The following TFB2M variants were observed in gnomAD, a reference collection of about 807,000 sequenced individuals.
The protein encoded by TFB2M is dimethyladenosine transferase 2, mitochondrial.
In TFB2M, 44 loss-of-function variants were observed where a neutral mutation model predicts 41.3. The observed-to-expected ratio is 1.07, with a 90% CI of 0.84 to 1.37. The LOEUF is 1.37. Among genes scored for constraint, TFB2M ranks in the 40% most tolerant of loss-of-function variants. The probability of loss-of-function intolerance (pLI) is 0.00; values close to 1 mark genes in which losing one functional copy is unlikely to be tolerated. For missense variants in TFB2M, 496 were observed against 490.2 expected, an observed-to-expected ratio of 1.01 and a Z score of -0.11; for synonymous variants, 188 against 176.8, an observed-to-expected ratio of 1.06 and a Z score of -0.50.
chr1:246,564,360 T>C lies in TFB2M; in HGVS notation c.388A>G (p.Ile130Val), dbSNP rs1259096502. 6.2e-7 allele frequency: 1 copy of C among 1,614,008 alleles called. No individual in the cohort carries two copies. Among genetic ancestry groups the C allele is most frequent in the Non-Finnish European group, 8.5e-7 (1 of 1,179,954 alleles). ...VVALESDKTF[I>V]PHLESLGKNL... ...TAAAAATATACCTCCAAATGTGGAA[T>C]AAAAGTTTTGTCACTTTCGAGCGCA... The change falls in exon 2 of 8, where the codon ATT (isoleucine) becomes GTT (valine). Residue 130 changes from isoleucine (I) to valine (V), a missense_variant. Physicochemically the swap from Ile to Val is conservative, Grantham distance 29 (BLOSUM62 3). Transcript: ENST00000366514.
At chr1:246,542,166 T>TG (rs1173601211) in intron 7 of TFB2M, among the ~76,000 whole-genome samples, 3 of 151,968 alleles carry the variant, frequency 2.0e-5, no homozygotes, top group Non-Finnish European at 4.4e-5. Flanking sequence ...TATAATCTTA[T>TG]GGGACCACTA....
intron 6 of TFB2M, among the ~76,000 whole-genome samples, chr1:246,545,045 TC>T (rs923933626): frequency 1.5e-5 from 2 of 137,784 alleles, no homozygotes; most frequent in Non-Finnish European, 3.2e-5. Flanking sequence ...GACCTCGTGA[TC>T]CGCCCGCCTC....
At chr1:246,548,009 C>T (rs3129572) in intron 6 of TFB2M, among the ~76,000 whole-genome samples, 35,181 of 149,328 alleles carry the variant, frequency 0.24, 4,522 homozygotes, top group Middle Eastern at 0.42. Context: ...TGCAGTGGCA[C>T]GATCTTGGCT....
chr1:246,552,223 G>C (rs1659204482), intron 4 of TFB2M, among the ~76,000 whole-genome samples: 1 of 151,968 alleles, frequency 6.6e-6, no homozygotes, highest in African/African-American at 2.4e-5. Flanking sequence ...TTCAGTGTGA[G>C]ATGACCGTGC....
intron 6 of TFB2M, among the ~76,000 whole-genome samples, chr1:246,544,995 T>C (rs12076904): frequency 0.74 from 111,819 of 151,272 alleles, 43,285 homozygotes; most frequent in East Asian, 0.86. Flanking sequence ...TTAGTAGAGA[T>C]GGGGTTTCAC....
In TFB2M at chr1:246,556,570, T is replaced by C. The variant is rs906798498; in HGVS notation, c.705+3A>G. 2.0e-6 allele frequency: 3 copies of C among 1,486,168 alleles called. No homozygotes were observed. Among genetic ancestry groups the C allele is most frequent in the South Asian group, 2.7e-5 (2 of 73,688 alleles). 92.1% of individuals were successfully genotyped at this position (1,486,168 alleles called of 1,614,324 possible). A position where few individuals can be genotyped will look rare whatever the true frequency, so the allele number is the denominator to read the frequency against. On this transcript the variant is annotated splice_donor_region_variant and intron_variant, in intron 4 of 7. Transcript: ENST00000366514. ...AAAAAATAGGTATTTGTTAATAACATACCTGGAATTCTTTTTCACCAATAA... is the reference window on the plus strand; with the variant it reads ...AAAAAATAGGTATTTGTTAATAACACACCTGGAATTCTTTTTCACCAATAA...
At position 246,540,963 on chromosome 1, in the gene TFB2M, C is replaced by G. The variant is rs978339303; in HGVS notation, c.*68G>C. On this transcript the variant is annotated 3_prime_UTR_variant, in exon 8 of 8. Transcript: ENST00000366514. ...CTTCTGCTGAAAGGATGTGAGTTTT[C>G]AAATTTGGTTTTCATGTCATAGTTT... The G allele has an allele frequency of 2.5e-5, 38 of 1,498,146 alleles. No homozygotes were observed. The highest frequency in any genetic ancestry group is 5.6e-5 in the African/African-American group (4 of 71,330). 92.8% of individuals were successfully genotyped at this position (1,498,146 alleles called of 1,614,324 possible). A position where few individuals can be genotyped will look rare whatever the true frequency, so the allele number is the denominator to read the frequency against.
chr1:246,550,219 A>C (rs1238577480), intron 5 of TFB2M, among the ~76,000 whole-genome samples: 1 of 152,248 alleles, frequency 6.6e-6, no homozygotes, highest in African/African-American at 2.4e-5. Flanking sequence ...AAGTCAACAG[A>C]ATGAGACAAG....
intron 6 of TFB2M, among the ~76,000 whole-genome samples, chr1:246,548,158 G>A (rs995093140): frequency 6.6e-6 from 1 of 151,980 alleles, no homozygotes; most frequent in African/African-American, 2.4e-5. Flanking sequence ...TGTTGGCCAG[G>A]GTGGTCCCGA....
At chr1:246,544,377 G>T (rs1406988568) in intron 7 of TFB2M, 144 bp downstream of exon 7, 2 of 726,702 alleles carry the variant, frequency 2.8e-6, no homozygotes, top group Non-Finnish European at 4.5e-6. Context: ...ATGTACACCA[G>T]GGAGAACAAA....
At chr1:246,550,749 G>A (rs532621903) in intron 5 of TFB2M, among the ~76,000 whole-genome samples, 18 of 152,326 alleles carry the variant, frequency 1.2e-4, no homozygotes, top group Non-Finnish European at 1.6e-4. Flanking sequence ...AAGGTGTGGC[G>A]GTGCACGCCT....
Position 246,540,944 on chromosome 1 carries a change from C to A in TFB2M, c.*87G>T. The A allele has an allele frequency of 3.0e-6, 4 of 1,336,076 alleles. No homozygotes were observed. The South Asian group carries it at 5.7e-5, about 19-fold the overall frequency. 82.8% of individuals were successfully genotyped at this position (1,336,076 alleles called of 1,614,324 possible). On this transcript the variant is annotated 3_prime_UTR_variant, in exon 8 of 8. Coordinates refer to ENST00000366514, the MANE Select transcript of TFB2M (RefSeq NM_022366.3). Reference sequence around the variant, plus strand: ...GCAAGACAAGAACAGTTACCTTCTGCTGAAAGGATGTGAGTTTTCAAATTT... The same window carrying A: ...GCAAGACAAGAACAGTTACCTTCTGATGAAAGGATGTGAGTTTTCAAATTT...
chr1:246,544,423 T>G (rs1389565336), intron 7 of TFB2M, 98 bp downstream of exon 7: 10 of 1,098,248 alleles, frequency 9.1e-6, no homozygotes, highest in Admixed American at 2.7e-5. Flanking sequence ...ACATGGTACC[T>G]CACTCTGTCA....
chr1:246,554,732 C>T (rs1459642741), intron 4 of TFB2M, among the ~76,000 whole-genome samples: 1 of 152,072 alleles, frequency 6.6e-6, no homozygotes, highest in East Asian at 1.9e-4. Context: ...AAACCATCCC[C>T]GCCGCCATCC....
intron 2 of TFB2M, among the ~76,000 whole-genome samples, chr1:246,561,269 A>C (rs905621555): frequency 6.6e-6 from 1 of 152,218 alleles, no homozygotes; most frequent in African/African-American, 2.4e-5. Flanking sequence ...AGAAAATAAG[A>C]GCCTTAATAG....
intron 2 of TFB2M, 24 bp downstream of exon 2, chr1:246,564,322 T>A: frequency 1.9e-6 from 3 of 1,603,052 alleles, no homozygotes; most frequent in Non-Finnish European, 2.6e-6. Flanking sequence ...AACAATAACA[T>A]ACGTTGAGAA....
intron 6 of TFB2M, 49 bp from the exon 7 acceptor site, chr1:246,544,730 G>C: frequency 6.6e-7 from 1 of 1,507,388 alleles, no homozygotes; most frequent in Non-Finnish European, 9.0e-7. Flanking sequence ...TATTGCCAGA[G>C]TAAGACATTG....
intron 4 of TFB2M, among the ~76,000 whole-genome samples, chr1:246,551,567 G>A (rs1190905640): frequency 6.6e-6 from 1 of 152,052 alleles, no homozygotes; most frequent in African/African-American, 2.4e-5. Context: ...CACTCCGGCA[G>A]GGGCAACGGC....
intron 4 of TFB2M, among the ~76,000 whole-genome samples, chr1:246,554,728 T>C (rs1159425972): frequency 1.3e-5 from 2 of 152,138 alleles, no homozygotes; most frequent in South Asian, 2.1e-4. Flanking sequence ...CCTGAAACCA[T>C]CCCCGCCGCC....
Sources: gnomAD v4.1 joint callset for allele counts (sites outside exome capture counted in the v4.1 genomes callset) on GRCh38, gnomAD v4.1.1 for gene constraint, MANE v1.5 for transcripts, NCBI Gene and HGNC (gene_info 2026-07-23, HGNC 2026-07-21) for gene names.